KIF13B: variants seen among roughly 807,000 people sequenced by gnomAD.
KIF13B encodes kinesin-like protein KIF13B.
A neutral mutation model predicts 222.0 loss-of-function variants in KIF13B; 127 were observed. That is an observed-to-expected ratio of 0.57 (90% CI 0.50 to 0.66). KIF13B has a LOEUF of 0.66. Ranked by LOEUF, KIF13B falls within the 30% of genes least tolerant of loss-of-function variation. KIF13B has a pLI of 0.00. For synonymous variants in KIF13B, 976 were observed against 919.0 expected (o/e 1.06, Z -1.12); for missense variants, 2,173 against 2,379.0 (o/e 0.91, Z 1.80).
At chr8:29,078,119 C>T (rs1271691512) in intron 37 of KIF13B, among the ~76,000 whole-genome samples, 9 of 73,124 alleles carry the variant, frequency 1.2e-4, no homozygotes. Flanking sequence ...CGTGTCTCTA[C>T]TAAAATCCAA....
At chr8:29,242,777 C>T (rs1378703) in intron 2 of KIF13B, among the ~76,000 whole-genome samples, 8,883 of 152,236 alleles carry the variant, frequency 0.058, 328 homozygotes, top group Admixed American at 0.098. Context: ...CCTATGTTCA[C>T]AGCAATGTTT....
chr8:29,150,169 C>A, intron 15 of KIF13B, 128 bp downstream of exon 15: 1 of 596,970 alleles, frequency 1.7e-6, no homozygotes, highest in Admixed American at 2.8e-5. Context: ...AATACACATG[C>A]AGCAAATATA....
chr8:29,153,530 T>C (rs1267030214), intron 14 of KIF13B, among the ~76,000 whole-genome samples: 1 of 152,156 alleles, frequency 6.6e-6, no homozygotes, highest in Non-Finnish European at 1.5e-5. Flanking sequence ...ATGCACAGCA[T>C]GGTAACACTG....
At position 29,216,297 on chromosome 8, in the gene KIF13B, T is replaced by C. The variant is rs1048608575; in HGVS notation, c.150-20098A>G. Among the ~76,000 whole-genome samples, 3 of 152,276 alleles carry C rather than the reference T, an allele frequency of 2.0e-5. No homozygotes were observed. In the East Asian group the frequency reaches 5.8e-4, roughly 29 times the overall value. On this transcript the variant is annotated intron_variant, in intron 2 of 39. Transcript: ENST00000524189. ...GCTAGATTCAAACCTAGGTCTCTCA[T>C]TCTAAAGCCACGTACTAGGCCGGGC...
intron 35 of KIF13B, among the ~76,000 whole-genome samples, chr8:29,104,961 G>C (rs113785221): frequency 6.9e-6 from 1 of 145,528 alleles, no homozygotes; most frequent in South Asian, 2.2e-4. Flanking sequence ...AGCCAGGATG[G>C]TTTTTTTTCC....
rs372689337 is a variant in KIF13B, at chr8:29,116,876, T to G, written c.3792A>C (p.Gln1264His). ...TVQLSHPADM[Q>H]LVLRKRICVN... ...CACAGATTCTCTTGCGTAACACCAG[T>G]TGCATGTCAGCAGGGTGGCTGAGCT... The change falls in exon 31 of 40, where the codon CAA becomes CAC. Residue 1264 changes from glutamine to histidine, a missense_variant. Transcript: ENST00000524189. The G allele has an allele frequency of 6.2e-7, 1 of 1,608,032 alleles. No homozygotes were observed. The highest frequency in any genetic ancestry group is 1.1e-5 in the South Asian group (1 of 90,940).
intron 23 of KIF13B, 63 bp downstream of exon 23, chr8:29,132,245 C>G: frequency 7.8e-7 from 1 of 1,279,116 alleles, no homozygotes; most frequent in Non-Finnish European, 1.0e-6. Context: ...ATGAGACTGT[C>G]TCAAAAAACA....
chr8:29,256,284 T>C (rs1816475257), intron 1 of KIF13B, among the ~76,000 whole-genome samples: 1 of 152,206 alleles, frequency 6.6e-6, no homozygotes, highest in Non-Finnish European at 1.5e-5. Flanking sequence ...GTCATCTAAA[T>C]CAGAGACTTT....
intron 14 of KIF13B, among the ~76,000 whole-genome samples, chr8:29,154,068 T>C (rs544959797): frequency 2.6e-5 from 4 of 152,322 alleles, no homozygotes; most frequent in African/African-American, 9.6e-5. Flanking sequence ...TCCAGCACTT[T>C]GTGAGGTCAA....
At chr8:29,139,198 A>T (rs1468383543) in intron 21 of KIF13B, among the ~76,000 whole-genome samples, 4 of 151,998 alleles carry the variant, frequency 2.6e-5, no homozygotes, top group Admixed American at 1.3e-4. Context: ...TGGTATTTTA[A>T]CCTCATTTTA....
intron 37 of KIF13B, among the ~76,000 whole-genome samples, chr8:29,080,019 T>C (rs1317476551): frequency 6.6e-6 from 1 of 152,156 alleles, no homozygotes; most frequent in East Asian, 1.9e-4. Flanking sequence ...CCTCCAAAAA[T>C]GTTCTGATAA....
At chr8:29,196,755 G>A (rs551071646) in intron 2 of KIF13B, among the ~76,000 whole-genome samples, 12 of 152,094 alleles carry the variant, frequency 7.9e-5, no homozygotes, top group Non-Finnish European at 1.3e-4. Context: ...TTTGGGTTTC[G>A]TATTTTTTCT....
rs140764674 is a variant in KIF13B, at chr8:29,115,223, A to G, written c.3837+1608T>C. Among the ~76,000 whole-genome samples the G allele has an allele frequency of 2.3e-3, 351 of 152,196 alleles. 2 individuals are homozygous for G. The highest frequency in any genetic ancestry group is 8.1e-3 in the African/African-American group (338 of 41,530). On this transcript the variant is annotated intron_variant, in intron 31 of 39. Coordinates refer to ENST00000524189, the MANE Select transcript of KIF13B (RefSeq NM_015254.4). ...ATTTTCATCTGTACTGGTTTTAGTC[A>G]GTGTATTGAGAATGCCTCAAAAAAG...
intron 1 of KIF13B, among the ~76,000 whole-genome samples, chr8:29,257,652 T>C (rs1175040839): frequency 6.6e-6 from 1 of 152,058 alleles, no homozygotes; most frequent in African/African-American, 2.4e-5. Flanking sequence ...ACAAAAAATA[T>C]TGAAATTAGA....
At chr8:29,201,236 T>C (rs756132607) in intron 2 of KIF13B, among the ~76,000 whole-genome samples, 1 of 152,176 alleles carries the variant, frequency 6.6e-6, no homozygotes, top group African/African-American at 2.4e-5. Context: ...AGCAGGCAGC[T>C]TGGGAAACAA....
chr8:29,227,411 A>AC (rs1390201880), intron 2 of KIF13B, among the ~76,000 whole-genome samples: 2 of 151,992 alleles, frequency 1.3e-5, no homozygotes, highest in Non-Finnish European at 2.9e-5. Context: ...TGCCTCAGCC[A>AC]CCCAAGTACT....
At position 29,070,897 on chromosome 8, in the gene KIF13B, CG is replaced by C; in HGVS notation, c.5219-132del. 4 of 984,068 alleles carry C rather than the reference CG, an allele frequency of 4.1e-6. No homozygotes were observed. Among genetic ancestry groups the C allele is most frequent in the Non-Finnish European group, 6.0e-6 (4 of 664,910 alleles). The allele number at this position is 984,068 out of a possible 1,614,324, so 61.0% of individuals were successfully genotyped here. Reference sequence around the variant, plus strand: ...GCACAGGCCCTACACAGCCAGCACTCGGACACTGGCCATTGTCTGGCAGGGA... The same window carrying C: ...GCACAGGCCCTACACAGCCAGCACTCGACACTGGCCATTGTCTGGCAGGGA... On this transcript the variant is annotated intron_variant, in intron 39 of 39. Coordinates refer to ENST00000524189, the MANE Select transcript of KIF13B (RefSeq NM_015254.4). This position sits in a 1 kb window ranked among gnomAD's most constrained non-coding sequence, Gnocchi z 4.1.
chr8:29,263,190 T>C, upstream of KIF13B: 1 of 626,658 alleles, frequency 1.6e-6, no homozygotes. Flanking sequence ...CCCCGCTGTA[T>C]GGCGGGACTT....
chr8:29,096,531 A>G (rs1423683860), intron 36 of KIF13B, among the ~76,000 whole-genome samples: 1 of 150,572 alleles, frequency 6.6e-6, no homozygotes, highest in African/African-American at 2.4e-5. Flanking sequence ...ACTAACCCAC[A>G]CCTAGGCCTC....
Sources: gnomAD v4.1 joint callset for allele counts (sites outside exome capture counted in the v4.1 genomes callset) on GRCh38, gnomAD v4.1.1 for gene constraint, Gnocchi (gnomAD v3.1) non-coding constraint, MANE v1.5 for transcripts, NCBI Gene and HGNC (gene_info 2026-07-23, HGNC 2026-07-21) for gene names.